Variants in HS6ST2 observed in about 807,000 individuals in gnomAD.
HS6ST2 encodes the protein heparan-sulfate 6-O-sulfotransferase 2.
A neutral mutation model predicts 33.0 loss-of-function variants in HS6ST2; 17 were observed. That is an observed-to-expected ratio of 0.52 (90% confidence interval 0.35 to 0.77). HS6ST2 has a LOEUF of 0.77. Among genes scored for constraint, HS6ST2 ranks in the 30% least tolerant of loss-of-function variants. The probability of loss-of-function intolerance (pLI) is 0.01; values close to 1 mark genes in which losing one functional copy is unlikely to be tolerated. For missense variants in HS6ST2, 519 were observed against 551.7 expected, an observed-to-expected ratio of 0.94 and a Z score of 0.59; for synonymous variants, 248 against 237.1, an observed-to-expected ratio of 1.05 and a Z score of -0.42.
chrX:132,855,018 C>A (rs1358310060), intron 2 of HS6ST2, among the ~76,000 whole-genome samples: 1 of 112,296 alleles, frequency 8.9e-6, no homozygotes, highest in African/African-American at 3.2e-5. Context: ...GCTTAATGTA[C>A]TTTGCTCTCT....
intron 4 of HS6ST2, among the ~76,000 whole-genome samples, chrX:132,650,552 C>T (rs749310761): frequency 9.0e-6 from 1 of 111,126 alleles, no homozygotes; most frequent in South Asian, 3.9e-4. Flanking sequence ...AGAGAGTCCT[C>T]AGCCCCAGCA....
At chrX:132,833,384 T>C (rs1324224251) in intron 2 of HS6ST2, among the ~76,000 whole-genome samples, 1 of 111,525 alleles carries the variant, frequency 9.0e-6, no homozygotes, top group Non-Finnish European at 1.9e-5. Flanking sequence ...AGTGCTTGGC[T>C]AGAATTCTGC....
At chrX:132,901,131 G>A (rs980416411) in intron 2 of HS6ST2, among the ~76,000 whole-genome samples, 2 of 111,370 alleles carry the variant, frequency 1.8e-5, no homozygotes, top group Non-Finnish European at 3.8e-5. Context: ...GCTTAGAATT[G>A]CATCCTCCCT....
intron 2 of HS6ST2, among the ~76,000 whole-genome samples, chrX:132,773,238 T>A (rs1253876164): frequency 2.9e-5 from 3 of 102,460 alleles, no homozygotes; most frequent in African/African-American, 1.0e-4. Flanking sequence ...TATAATATAA[T>A]ATATACATAT....
At chrX:132,880,538 A>C (rs1231843264) in intron 2 of HS6ST2, among the ~76,000 whole-genome samples, 2 of 108,540 alleles carry the variant, frequency 1.8e-5, no homozygotes, top group African/African-American at 6.8e-5. Flanking sequence ...AAAAAAAGGA[A>C]AAAAAAAAAG....
intron 2 of HS6ST2, among the ~76,000 whole-genome samples, chrX:132,724,027 C>A (rs1216201169): frequency 9.0e-6 from 1 of 111,610 alleles, no homozygotes; most frequent in Non-Finnish European, 1.9e-5. Flanking sequence ...GTAGCCCCAG[C>A]TACTTGGGAG....
intron 2 of HS6ST2, among the ~76,000 whole-genome samples, chrX:132,953,072 C>A (rs758642839): frequency 9.0e-6 from 1 of 111,590 alleles, no homozygotes; most frequent in East Asian, 2.8e-4. Flanking sequence ...AGTGCTATTT[C>A]TTTGGGCCCA....
intron 4 of HS6ST2, among the ~76,000 whole-genome samples, chrX:132,633,550 T>C (rs2063533452): frequency 9.0e-6 from 1 of 110,767 alleles, no homozygotes; most frequent in African/African-American, 3.3e-5. Flanking sequence ...CCTAGAGCTC[T>C]GGAGGAAGGA....
chrX:132,741,529 A>G (rs2064579887), intron 2 of HS6ST2, among the ~76,000 whole-genome samples: 1 of 110,372 alleles, frequency 9.1e-6, no homozygotes, highest in South Asian at 3.9e-4. Context: ...TGATCCGCCC[A>G]CCTCAGTATC....
At chrX:132,655,584 T>C (rs929568514) in intron 4 of HS6ST2, among the ~76,000 whole-genome samples, 1 of 110,727 alleles carries the variant, frequency 9.0e-6, no homozygotes, top group Non-Finnish European at 1.9e-5. Context: ...GAACTAGTGT[T>C]TGGACATGGG....
intron 2 of HS6ST2, among the ~76,000 whole-genome samples, chrX:132,755,689 T>G (rs1192994033): frequency 9.0e-6 from 1 of 111,157 alleles, no homozygotes; most frequent in Non-Finnish European, 1.9e-5. Context: ...CTACATTAAT[T>G]TTAAGTCTTT....
At chrX:132,763,105 C>T (rs2064817040) in intron 2 of HS6ST2, among the ~76,000 whole-genome samples, 1 of 111,670 alleles carries the variant, frequency 9.0e-6, no homozygotes, top group African/African-American at 3.3e-5. Flanking sequence ...GATTATGTGT[C>T]CTGCAGTCAT....
chrX:132,736,192 T>C (rs559347633), intron 2 of HS6ST2, among the ~76,000 whole-genome samples: 15 of 111,549 alleles, frequency 1.3e-4, no homozygotes, highest in African/African-American at 4.6e-4. Flanking sequence ...GAAGGCCACA[T>C]AGGGCCTCAG....
chrX:132,690,921 G>A (rs867751173), intron 3 of HS6ST2, among the ~76,000 whole-genome samples: 3 of 111,379 alleles, frequency 2.7e-5, no homozygotes, highest in African/African-American at 9.8e-5. Context: ...GATAACAATG[G>A]GAGTTCAACA....
intron 2 of HS6ST2, among the ~76,000 whole-genome samples, chrX:132,778,998 G>C (rs1005897459): frequency 8.9e-6 from 1 of 112,207 alleles, no homozygotes; most frequent in Non-Finnish European, 1.9e-5. Context: ...AGAAAACAGA[G>C]AGAATTGCTG....
intron 2 of HS6ST2, among the ~76,000 whole-genome samples, chrX:132,916,385 CA>C (rs2066590993): frequency 8.9e-6 from 1 of 112,315 alleles, no homozygotes; most frequent in African/African-American, 3.2e-5. Context: ...TACTGTTTAA[CA>C]GAAAACATTA....
chrX:132,698,228 C>T (rs1244679897), intron 3 of HS6ST2, among the ~76,000 whole-genome samples: 1 of 112,301 alleles, frequency 8.9e-6, no homozygotes, highest in African/African-American at 3.2e-5. Context: ...TGAAACTCCA[C>T]TTTATTTGGA....
intron 2 of HS6ST2, among the ~76,000 whole-genome samples, chrX:132,793,288 T>A (rs1478215702): frequency 9.2e-6 from 1 of 109,042 alleles, no homozygotes; most frequent in Non-Finnish European, 1.9e-5. Context: ...CTCAAACTCC[T>A]GACCTCAGGT....
intron 2 of HS6ST2, among the ~76,000 whole-genome samples, chrX:132,789,259 A>T (rs2065094721): frequency 9.0e-6 from 1 of 111,541 alleles, no homozygotes; most frequent in African/African-American, 3.3e-5. Flanking sequence ...ACCATTTCAA[A>T]ACTCCTAGGG....
Sources: gnomAD v4.1 joint callset for allele counts (sites outside exome capture counted in the v4.1 genomes callset) on GRCh38, gnomAD v4.1.1 for gene constraint, MANE v1.5 for transcripts, NCBI Gene and HGNC (gene_info 2026-07-23, HGNC 2026-07-21) for gene names.